XCR1: variants seen among roughly 807,000 people sequenced by gnomAD.
The protein encoded by XCR1 is X-C motif chemokine receptor 1, also known as chemokine XC receptor 1.
For missense variants in XCR1, 356 were observed against 424.2 expected, an observed-to-expected ratio of 0.84 and a Z score of 1.41; for synonymous variants, 187 against 188.5, an observed-to-expected ratio of 0.99 and a Z score of 0.06.
At chr3:46,080,100 A>G (rs1170515405) in intron 1 of XCR1, among the ~76,000 whole-genome samples, 1 of 151,864 alleles carries the variant, frequency 6.6e-6, no homozygotes, top group Non-Finnish European at 1.5e-5. Context: ...ATATTCTGGA[A>G]TGGAATGCCT....
chr3:46,049,796 A>G (rs7643001), intron 5 of XCR1, among the ~76,000 whole-genome samples: 2,294 of 152,322 alleles, frequency 0.015, 56 homozygotes, highest in African/African-American at 0.051. Context: ...AGGAAGAATG[A>G]AAGAATGGAT....
In XCR1 at chr3:46,050,347, T is replaced by C. The variant is rs145821450; in HGVS notation, c.-32+3573A>G. On this transcript the variant is annotated intron_variant, in intron 5 of 5. Transcript: ENST00000683768. ...GTAGCCAGTTAATATCTCCTAATTG[T>C]TGAAAATCATTTAAAGTCTGTAACC... Among the ~76,000 whole-genome samples, 25 of 152,326 alleles carry C rather than the reference T, an allele frequency of 1.6e-4. No individual in the cohort carries two copies. In the East Asian group the frequency reaches 4.1e-3, roughly 25 times the overall value.
upstream of XCR1, among the ~76,000 whole-genome samples, chr3:46,029,431 G>A (rs1708360380): frequency 6.6e-6 from 1 of 152,192 alleles, no homozygotes; most frequent in Admixed American, 6.5e-5. Flanking sequence ...CTGGGCTCAA[G>A]TGATCTGCTT....
intron 4 of XCR1, among the ~76,000 whole-genome samples, chr3:46,060,327 T>C (rs1316747239): frequency 6.6e-6 from 1 of 152,198 alleles, no homozygotes; most frequent in African/African-American, 2.4e-5. Context: ...CTGAACTCGG[T>C]TGTAGTTCTC....
intron 1 of XCR1, among the ~76,000 whole-genome samples, chr3:46,077,077 C>G (rs1352255927): frequency 6.6e-6 from 1 of 152,154 alleles, no homozygotes; most frequent in South Asian, 2.1e-4. Context: ...GGGCTCTGGA[C>G]TAACTGATGC....
chr3:46,085,239 C>T (rs913512983), intron 1 of XCR1, among the ~76,000 whole-genome samples: 2 of 150,854 alleles, frequency 1.3e-5, no homozygotes, highest in Non-Finnish European at 2.9e-5. Context: ...GTTCCATCAC[C>T]GCAAACACAA....
At chr3:46,069,273 T>C (rs1698126700) in intron 3 of XCR1, among the ~76,000 whole-genome samples, 1 of 151,524 alleles carries the variant, frequency 6.6e-6, no homozygotes, top group African/African-American at 2.4e-5. Context: ...TTAATAAAAC[T>C]GAAAACATAA....
chr3:46,078,944 A>G (rs1381765436), intron 1 of XCR1, among the ~76,000 whole-genome samples: 1 of 152,206 alleles, frequency 6.6e-6, no homozygotes, highest in Non-Finnish European at 1.5e-5. Flanking sequence ...TGGGCATAAA[A>G]TACGGGACTG....
upstream of XCR1, among the ~76,000 whole-genome samples, chr3:46,028,708 GCCT>G (rs1708345242): frequency 6.6e-6 from 1 of 151,556 alleles, no homozygotes; most frequent in Non-Finnish European, 1.5e-5. Context: ...TCTCGCCTCA[GCCT>G]CCTAAGTAGC....
intron 2 of XCR1, among the ~76,000 whole-genome samples, chr3:46,075,308 C>CAAAAAAAAAAAAAAAA (rs56787185): frequency 7.4e-3 from 456 of 61,524 alleles, no homozygotes; most frequent in Middle Eastern, 0.016. Flanking sequence ...GCTCATAGAC[C>CAAAAAAAAAAAAAAAA]AAAAAAAAAA....
At chr3:46,033,699 A>G (rs1200818796) in intron 5 of XCR1, among the ~76,000 whole-genome samples, 1 of 152,224 alleles carries the variant, frequency 6.6e-6, no homozygotes, top group Non-Finnish European at 1.5e-5. Context: ...TGATATTCAC[A>G]AAATAAATTG....
chr3:46,024,079 C>T (rs1708236326), intron 1 of XCR1: 1 of 903,110 alleles, frequency 1.1e-6, no homozygotes, highest in African/African-American at 1.7e-5. Context: ...CAGTCTTCCT[C>T]CCTTGGATTT....
chr3:46,074,214 C>CTTTTTTTTT lies in XCR1; in HGVS notation c.-263+428_-263+436dup, dbSNP rs35124592. Among the ~76,000 whole-genome samples the CTTTTTTTTT allele has an allele frequency of 1.1e-3, 97 of 86,648 alleles. 9 individuals are homozygous for CTTTTTTTTT. Among genetic ancestry groups the CTTTTTTTTT allele is most frequent in the African/African-American group, 3.8e-3 (88 of 23,226 alleles). 56.8% of individuals were successfully genotyped at this position (86,648 alleles called of 152,430 possible). Reference sequence around the variant, plus strand: ...CAACACGAATGGAACTGAAGGCCATCTTTTTTTTTTTTTTTTTTTTTTTTT... The same window carrying CTTTTTTTTT: ...CAACACGAATGGAACTGAAGGCCATCTTTTTTTTTTTTTTTTTTTTTTTTTTTTTTTTTT... On this transcript the variant is annotated intron_variant, in intron 3 of 5. Transcript: ENST00000683768.
intron 5 of XCR1, among the ~76,000 whole-genome samples, chr3:46,035,250 G>A (rs1463551458): frequency 6.6e-6 from 1 of 152,054 alleles, no homozygotes; most frequent in Non-Finnish European, 1.5e-5. Context: ...ACCATGCCTG[G>A]CCCCATAGTT....
chr3:46,058,811 C>T (rs116277633), intron 4 of XCR1, among the ~76,000 whole-genome samples: 2,268 of 152,222 alleles, frequency 0.015, 26 homozygotes, highest in South Asian at 0.036. Flanking sequence ...GGGATCCACC[C>T]ACCTTGGCCT....
At chr3:46,074,744 T>TG (rs1379187448) in intron 2 of XCR1, among the ~76,000 whole-genome samples, 2 of 151,982 alleles carry the variant, frequency 1.3e-5, no homozygotes, top group South Asian at 2.1e-4. Context: ...GAGGAGGGGT[T>TG]GGTCTTACTG....
chr3:46,065,568 T>C (rs2133667), intron 4 of XCR1, among the ~76,000 whole-genome samples: 1 of 152,196 alleles, frequency 6.6e-6, no homozygotes, highest in South Asian at 2.1e-4. Context: ...GAGGCCCTTT[T>C]CTTTGAAGCC....
chr3:46,054,810 A>G (rs1273004842), intron 4 of XCR1, among the ~76,000 whole-genome samples: 1 of 152,176 alleles, frequency 6.6e-6, no homozygotes, highest in African/African-American at 2.4e-5. Flanking sequence ...CAAGGAAGCA[A>G]TCATGATGAA....
At chr3:46,080,834 A>G (rs1163779026) in intron 1 of XCR1, among the ~76,000 whole-genome samples, 1 of 152,180 alleles carries the variant, frequency 6.6e-6, no homozygotes, top group Non-Finnish European at 1.5e-5. Flanking sequence ...ATATTATTGG[A>G]AACCATCCCC....
Sources: allele counts gnomAD v4.1 joint callset (sites outside exome capture counted in the v4.1 genomes callset), GRCh38; gene constraint gnomAD v4.1.1; transcripts MANE v1.5; gene names NCBI Gene and HGNC (gene_info 2026-07-23, HGNC 2026-07-21).